The following ABCA4 variants were observed in gnomAD, a reference collection of about 807,000 sequenced individuals.
The protein encoded by ABCA4 is ATP binding cassette subfamily A member 4, also known as retinal-specific phospholipid-transporting ATPase ABCA4.
ABCA4 carries 196 observed loss-of-function variants against 263.7 expected under a neutral mutation model. The observed-to-expected ratio is 0.74, with a 90% CI of 0.66 to 0.84. The LOEUF is 0.84. Ranked by LOEUF, ABCA4 falls within the 40% of genes least tolerant of loss-of-function variation. The pLI is 0.00. For synonymous variants in ABCA4, 1,133 were observed against 1,094.2 expected (o/e 1.04, Z -0.70); for missense variants, 2,792 against 2,855.1 (o/e 0.98, Z 0.50).
chr1:94,008,265 G>A lies in ABCA4; in HGVS notation c.5868C>T (p.Asp1956=), dbSNP rs62642567. 32 of 1,614,058 alleles carry A rather than the reference G, an allele frequency of 2.0e-5. No homozygotes were observed. The highest frequency in any genetic ancestry group is 4.0e-5 in the African/African-American group (3 of 74,924). Residue 1956 remains aspartate (D), a synonymous_variant, in exon 42 of 50, where the codon GAC becomes GAT. Transcript: ENST00000370225. ...IYPGTSSPAV[D]RLCVGVRPGE... is the part of the protein sequence containing the mutation. ...CAGGGCGAACTCCGACACACAGCCT[G>A]TCCACTGCTGGGCTGGAGGTGCCTG...
intron 28 of ABCA4, among the ~76,000 whole-genome samples, 157 bp from the exon 29 acceptor site, chr1:94,030,683 C>T (rs1412584578): frequency 6.6e-6 from 1 of 152,158 alleles, no homozygotes; most frequent in Non-Finnish European, 1.5e-5. Flanking sequence ...GTGCGGTAGG[C>T]TGCCTGAACA....
At chr1:94,119,051 C>T (rs1662878578) in intron 1 of ABCA4, among the ~76,000 whole-genome samples, 1 of 152,166 alleles carries the variant, frequency 6.6e-6, no homozygotes, top group Non-Finnish European at 1.5e-5. Context: ...CCACAGATGC[C>T]TCACATAGGC....
At chr1:94,004,492 C>T (rs11809851) in intron 44 of ABCA4, among the ~76,000 whole-genome samples, 2,550 of 152,294 alleles carry the variant, frequency 0.017, 74 homozygotes, top group African/African-American at 0.058. Context: ...TTCTCCCCCG[C>T]TCCACCCTGC....
intron 45 of ABCA4, 128 bp downstream of exon 45, chr1:94,001,730 C>G: frequency 7.3e-7 from 1 of 1,376,198 alleles, no homozygotes; most frequent in Non-Finnish European, 1.0e-6. Flanking sequence ...ATGAGCAACA[C>G]AGGAAACAGT....
Position 94,098,925 on chromosome 1 carries a change from A to G in ABCA4, c.637T>C (p.Phe213Leu). The change falls in exon 6 of 50, where the codon TTC (phenylalanine) becomes CTC (leucine). Residue 213 changes from phenylalanine (F) to leucine (L), a missense_variant. Transcript: ENST00000370225. Reference protein sequence around the residue: ...IACSEALLERFIIFSQRRGAK... With the variant: ...IACSEALLERLIIFSQRRGAK... ...CCGCGTCTCTGGCTGAAGATGATGA[A>G]GCGCTCCAGGAGGGCCTCGCTGCAG... The G allele has an allele frequency of 6.2e-7, 1 of 1,613,634 alleles. No individual in the cohort carries two copies. The highest frequency in any genetic ancestry group is 1.7e-4 in the Middle Eastern group (1 of 6,060).
chr1:94,042,207 A>C (rs1660510086), intron 22 of ABCA4, among the ~76,000 whole-genome samples: 2 of 152,106 alleles, frequency 1.3e-5, no homozygotes, highest in African/African-American at 4.8e-5. Flanking sequence ...TGAGTAGAGC[A>C]AGGGGGAAAG....
chr1:94,029,463 C>CCCG lies in ABCA4; in HGVS notation c.4518_4520dup (p.Gly1508dup), dbSNP rs1557772161. The CCCG allele has an allele frequency of 1.3e-6, 2 of 1,560,186 alleles. No homozygotes were observed. The highest frequency in any genetic ancestry group is 1.2e-5 in the South Asian group (1 of 85,234). On this transcript the variant is annotated inframe_insertion, in exon 30 of 50. Coordinates refer to ENST00000370225, the MANE Select transcript of ABCA4 (RefSeq NM_000350.3). ...CAGGTACCTGGGGGGGCGGGAGGCC[C>CCCG]CCGGCACCCTCGGGGCACTCTGGCA...
At chr1:94,093,541 G>T (rs1662033365) in intron 6 of ABCA4, among the ~76,000 whole-genome samples, 1 of 152,196 alleles carries the variant, frequency 6.6e-6, no homozygotes, top group South Asian at 2.1e-4. Context: ...CTGAACAAAG[G>T]CCAGGACCCC....
At chr1:94,097,319 C>T (rs150674470) in intron 6 of ABCA4, among the ~76,000 whole-genome samples, 51 of 152,156 alleles carry the variant, frequency 3.4e-4, no homozygotes, top group African/African-American at 2.4e-4. Context: ...AAGCGTGGAC[C>T]GTGCCAGAAA....
intron 49 of ABCA4, among the ~76,000 whole-genome samples, chr1:93,993,805 A>T (rs924030932): frequency 6.6e-6 from 1 of 151,966 alleles, no homozygotes; most frequent in African/African-American, 2.4e-5. Flanking sequence ...CACCAAGGTG[A>T]CCTTTTTAAC....
intron 31 of ABCA4, 44 bp from the exon 32 acceptor site, chr1:94,023,462 G>C (rs776791689): frequency 6.8e-7 from 1 of 1,480,920 alleles, no homozygotes; most frequent in South Asian, 1.2e-5. Flanking sequence ...CACAAGTACA[G>C]CAGTGCCGTT....
intron 9 of ABCA4, among the ~76,000 whole-genome samples, chr1:94,078,989 G>A (rs1053447844): frequency 6.6e-6 from 1 of 151,980 alleles, no homozygotes; most frequent in African/African-American, 2.4e-5. Flanking sequence ...GGACCCCCTG[G>A]GAGAAAATAC....
At chr1:93,995,870 T>C (rs1384025772) in intron 49 of ABCA4, among the ~76,000 whole-genome samples, 1 of 152,234 alleles carries the variant, frequency 6.6e-6, no homozygotes, top group African/African-American at 2.4e-5. Flanking sequence ...GTTTCCTGAT[T>C]ACAATAGGAA....
chr1:94,060,663 C>T lies in ABCA4; in HGVS notation c.2034G>A (p.Lys678=), dbSNP rs1376036671. 1 of 1,614,160 alleles carries T rather than the reference C, an allele frequency of 6.2e-7. No individual in the cohort carries two copies. The highest frequency in any genetic ancestry group is 1.7e-5 in the Admixed American group (1 of 60,010). Residue 678 remains lysine (K), a synonymous_variant, in exon 14 of 50, where the codon AAG becomes AAA. Transcript: ENST00000370225. ...SMTVKSIVLE[K]ELRLKETLKN... Reference sequence around the variant, plus strand: ...TCAAGGTCTCCTTCAGTCGCAACTCCTTCTCCAAGACGATGCTCTTCACAG... The same window carrying T: ...TCAAGGTCTCCTTCAGTCGCAACTCTTTCTCCAAGACGATGCTCTTCACAG...
At chr1:94,081,179 C>T (rs902274043) in intron 7 of ABCA4, among the ~76,000 whole-genome samples, 1 of 152,072 alleles carries the variant, frequency 6.6e-6, no homozygotes, top group Non-Finnish European at 1.5e-5. Flanking sequence ...GAGTAGACAT[C>T]GTGCCACTGC....
In ABCA4 at chr1:93,997,882, G is replaced by C. The variant is rs762561820; in HGVS notation, c.6708C>G (p.Val2236=). ...TTGCCTGGTCCAGTGTGGTCTGTGTGACTGAGTACTCCTCGATGAGCAGGC... is the reference window on the plus strand; with the variant it reads ...TTGCCTGGTCCAGTGTGGTCTGTGTCACTGAGTACTCCTCGATGAGCAGGC... ...KDSLLIEEYS[V]TQTTLDQVFV... is the part of the protein sequence containing the mutation. The change falls in exon 48 of 50, where the codon GTC becomes GTG. Residue 2236 remains valine, a synonymous_variant. Coordinates refer to ENST00000370225, the MANE Select transcript of ABCA4 (RefSeq NM_000350.3). 7 of 1,614,120 alleles carry C rather than the reference G, an allele frequency of 4.3e-6. No homozygotes were observed. In the Admixed American group the frequency reaches 8.3e-5, roughly 19 times the overall value.
intron 11 of ABCA4, among the ~76,000 whole-genome samples, chr1:94,073,338 C>T (rs1661455369): frequency 6.6e-6 from 1 of 152,160 alleles, no homozygotes; most frequent in South Asian, 2.1e-4. Context: ...CCCATCATAC[C>T]CCTCTGCTCA....
At chr1:93,994,035 A>T (rs184762875) in intron 49 of ABCA4, among the ~76,000 whole-genome samples, 2 of 152,320 alleles carry the variant, frequency 1.3e-5, no homozygotes, top group African/African-American at 4.8e-5. Context: ...AGGTGGTGCG[A>T]GGATCCCCAT....
intron 6 of ABCA4, among the ~76,000 whole-genome samples, chr1:94,087,817 A>C (rs902231554): frequency 3.3e-5 from 5 of 152,174 alleles, no homozygotes; most frequent in Admixed American, 2.6e-4. Flanking sequence ...AGTGTCTGCT[A>C]TTGTGCCAGG....
Sources: allele counts gnomAD v4.1 joint callset (sites outside exome capture counted in the v4.1 genomes callset), GRCh38; gene constraint gnomAD v4.1.1; transcripts MANE v1.5; gene names NCBI Gene and HGNC (gene_info 2026-07-23, HGNC 2026-07-21).